FAM107A: variants seen among roughly 807,000 people sequenced by gnomAD.
FAM107A encodes the protein actin-associated protein FAM107A.
A neutral mutation model predicts 13.7 loss-of-function variants in FAM107A; 19 were observed. That is an observed-to-expected ratio of 1.38 (90% confidence interval 0.97 to 2.03). The LOEUF is 2.03. Ranked by LOEUF, FAM107A falls within the 30% of genes most tolerant of loss-of-function variation. FAM107A has a pLI of 0.00. For missense variants in FAM107A, 203 were observed against 184.4 expected, an observed-to-expected ratio of 1.10 and a Z score of -0.58; for synonymous variants, 82 against 74.5, an observed-to-expected ratio of 1.10 and a Z score of -0.52.
At chr3:58,621,203 G>T (rs949319824) in intron 1 of FAM107A, among the ~76,000 whole-genome samples, 1 of 152,114 alleles carries the variant, frequency 6.6e-6, no homozygotes, top group Admixed American at 6.5e-5. Context: ...AAATTTTAGC[G>T]CTTGGGAAAC....
intron 1 of FAM107A, chr3:58,573,588 G>A (rs1466508507): frequency 6.6e-6 from 1 of 152,628 alleles, no homozygotes; most frequent in Admixed American, 6.5e-5. Context: ...AAAGAAAAAG[G>A]TGAACACCCA....
upstream of FAM107A, among the ~76,000 whole-genome samples, chr3:58,581,229 C>A (rs931608862): frequency 6.6e-6 from 1 of 152,220 alleles, no homozygotes; most frequent in African/African-American, 2.4e-5. Flanking sequence ...CTCCTGTCTT[C>A]CCTCCCATCC....
chr3:58,608,809 T>C (rs2065824585), intron 1 of FAM107A: 1 of 152,282 alleles, frequency 6.6e-6, no homozygotes, highest in African/African-American at 2.4e-5. Context: ...TCCCCTGTTC[T>C]GGTGCCATAA....
In FAM107A at chr3:58,566,576, C is replaced by T. The variant is rs753024348; in HGVS notation, c.*12G>A. ...GCCAGGGTGGGCAGTGGCCTGAGCC[C>T]GGCAGCTGGCCCTACAGCTCTCTCT... On this transcript the variant is annotated 3_prime_UTR_variant, in exon 4 of 4. Transcript: ENST00000360997. The T allele has an allele frequency of 3.8e-5, 61 of 1,604,116 alleles. No homozygotes were observed. Among genetic ancestry groups the T allele is most frequent in the Admixed American group, 2.5e-4 (15 of 59,964 alleles).
upstream of FAM107A, among the ~76,000 whole-genome samples, chr3:58,591,103 G>C (rs2065650744): frequency 6.6e-6 from 1 of 152,174 alleles, no homozygotes; most frequent in Admixed American, 6.5e-5. The surrounding 1 kb of genome is among the most constrained non-coding windows in gnomAD (Gnocchi z 4.3). Context: ...TGTTCTTGCA[G>C]CGTTCACGTT....
chr3:58,616,635 T>C (rs2065904473), intron 1 of FAM107A, among the ~76,000 whole-genome samples: 1 of 151,216 alleles, frequency 6.6e-6, no homozygotes. Context: ...ACACCACGGA[T>C]TGCAGGCACC....
chr3:58,587,255 C>G (rs1048354806), upstream of FAM107A: 1 of 465,330 alleles, frequency 2.1e-6, no homozygotes, highest in African/African-American at 2.0e-5. Flanking sequence ...CCTCGGTCTC[C>G]CACCTACTCT....
At chr3:58,594,650 G>A (rs2065683432) in intron 1 of FAM107A, among the ~76,000 whole-genome samples, 1 of 152,150 alleles carries the variant, frequency 6.6e-6, no homozygotes, top group Non-Finnish European at 1.5e-5. Flanking sequence ...AAATAGGTCC[G>A]AACAGCTTCC....
At chr3:58,584,379 T>C (rs1205294203) in intron 1 of FAM107A, among the ~76,000 whole-genome samples, 4 of 152,184 alleles carry the variant, frequency 2.6e-5, no homozygotes, top group Non-Finnish European at 5.9e-5. Flanking sequence ...AGATGGCAGA[T>C]GTACAGCAGA....
rs369371595 is a variant in FAM107A at position 58,610,021 on chromosome 3, T to C, written c.-70+17395A>G. Among the ~76,000 whole-genome samples, 7 of 152,376 alleles carry C rather than the reference T, an allele frequency of 4.6e-5. No individual in the cohort carries two copies. In the East Asian group the frequency reaches 9.6e-4, roughly 21 times the overall value. ...GCCAGCACATCATGATCATTACTAG[T>C]TGCAGATAGGCCGTGTGAGGCCATT... is the stretch of plus-strand genomic sequence containing the variant. On this transcript the variant is annotated intron_variant, in intron 1 of 3. Coordinates refer to the FAM107A transcript ENST00000465970.
upstream of FAM107A, chr3:58,589,414 C>T (rs1054197176): frequency 3.3e-6 from 2 of 612,856 alleles, no homozygotes; most frequent in African/African-American, 1.8e-5. Flanking sequence ...AAGAAATTAC[C>T]ATAGTCTTTG....
intron 1 of FAM107A, among the ~76,000 whole-genome samples, chr3:58,571,975 T>TTGTA (rs1461038659): frequency 6.6e-6 from 1 of 152,028 alleles, no homozygotes. Context: ...TTGGATAACT[T>TTGTA]TAGGAAAGGA....
At chr3:58,578,006 C>G (rs2063744776), upstream of FAM107A, among the ~76,000 whole-genome samples, 1 of 151,798 alleles carries the variant, frequency 6.6e-6, no homozygotes. Flanking sequence ...GGCCCTGGCT[C>G]CAGCACCAGC....
chr3:58,572,386 C>T (rs556338261), intron 1 of FAM107A, among the ~76,000 whole-genome samples: 21 of 152,200 alleles, frequency 1.4e-4, no homozygotes, highest in Middle Eastern at 6.8e-3. Context: ...CCGCTGTCAG[C>T]CAGGTGTGGT....
intron 1 of FAM107A, among the ~76,000 whole-genome samples, chr3:58,571,767 C>T (rs1026509619): frequency 3.3e-5 from 5 of 152,346 alleles, no homozygotes; most frequent in African/African-American, 9.6e-5. Context: ...ACGCTCTTTC[C>T]TTCCCGTGAC....
chr3:58,612,954 T>C (rs2065868260), intron 1 of FAM107A, among the ~76,000 whole-genome samples: 1 of 152,086 alleles, frequency 6.6e-6, no homozygotes, highest in Non-Finnish European at 1.5e-5. Context: ...CAACTCTAGT[T>C]GACTCTCCAC....
chr3:58,570,391 A>G (rs1005698900), intron 1 of FAM107A: 3 of 984,808 alleles, frequency 3.0e-6, no homozygotes, highest in African/African-American at 3.5e-5. Context: ...CACATCAAAG[A>G]GGAGAGCATG....
chr3:58,575,747 C>G (rs1380895187), intron 1 of FAM107A, among the ~76,000 whole-genome samples: 1 of 152,200 alleles, frequency 6.6e-6, no homozygotes, highest in Non-Finnish European at 1.5e-5. Flanking sequence ...GGACTCCTAG[C>G]CTACGTGAAA....
At chr3:58,627,014 G>T (rs962218105) in intron 1 of FAM107A, 8 of 1,535,870 alleles carry the variant, frequency 5.2e-6, no homozygotes, top group Admixed American at 3.9e-5. Flanking sequence ...TGGGCACCAG[G>T]CCTGGGTGGG....
Sources: gnomAD v4.1 joint callset for allele counts (sites outside exome capture counted in the v4.1 genomes callset) on GRCh38, gnomAD v4.1.1 for gene constraint, Gnocchi (gnomAD v3.1) non-coding constraint, MANE v1.5 for transcripts, NCBI Gene and HGNC (gene_info 2026-07-23, HGNC 2026-07-21) for gene names.